The following PDLIM5 variants were observed in gnomAD, a reference collection of about 807,000 sequenced individuals.
PDLIM5 encodes the protein PDZ and LIM domain 5.
PDLIM5 carries 34 observed loss-of-function variants against 64.2 expected under a neutral mutation model. The observed-to-expected ratio is 0.53, with a 90% CI of 0.40 to 0.71. The LOEUF is 0.71. Among genes scored for constraint, PDLIM5 ranks in the 30% least tolerant of loss-of-function variants. PDLIM5 has a pLI of 0.00. For synonymous variants in PDLIM5, 253 were observed against 269.1 expected (o/e 0.94, Z 0.59); for missense variants, 683 against 733.6 (o/e 0.93, Z 0.80).
intron 2 of PDLIM5, among the ~76,000 whole-genome samples, chr4:94,501,066 G>A (rs544029186): frequency 6.8e-6 from 1 of 146,536 alleles, no homozygotes; most frequent in African/African-American, 2.6e-5. Flanking sequence ...ACAGGTGTGA[G>A]CCACTATACC....
intron 8 of PDLIM5, among the ~76,000 whole-genome samples, chr4:94,636,538 A>G: frequency 7.0e-6 from 1 of 142,406 alleles, no homozygotes; most frequent in African/African-American, 2.6e-5. Context: ...TAGAGTTCGT[A>G]CTTTTTTTTT....
chr4:94,579,441 A>T, intron 5 of PDLIM5: 1 of 632,674 alleles, frequency 1.6e-6, no homozygotes, highest in Non-Finnish European at 2.7e-6. Flanking sequence ...CTCCTGTGTG[A>T]TACTTTGAAG....
intron 9 of PDLIM5, among the ~76,000 whole-genome samples, chr4:94,642,439 G>T (rs1042873567): frequency 6.6e-6 from 1 of 152,110 alleles, no homozygotes; most frequent in Non-Finnish European, 1.5e-5. Context: ...TTAATGCCAG[G>T]CCAGTATGCA....
At chr4:94,490,359 GTTC>G (rs1291089937) in intron 2 of PDLIM5, among the ~76,000 whole-genome samples, 4 of 151,584 alleles carry the variant, frequency 2.6e-5, no homozygotes, top group African/African-American at 9.7e-5. Flanking sequence ...TTTCTATTCA[GTTC>G]TTCTCAAAAT....
intron 5 of PDLIM5, among the ~76,000 whole-genome samples, 155 bp downstream of exon 5, chr4:94,576,189 T>C (rs1181669375): frequency 1.3e-5 from 2 of 152,218 alleles, no homozygotes; most frequent in East Asian, 1.9e-4. Context: ...TTTATATACA[T>C]AGGGTACTTT....
At chr4:94,559,999 G>A (rs551377940) in intron 3 of PDLIM5, among the ~76,000 whole-genome samples, 2 of 152,210 alleles carry the variant, frequency 1.3e-5, no homozygotes, top group Admixed American at 6.5e-5. Context: ...TTCTTCTCTG[G>A]CCAGCCCGTG....
intron 3 of PDLIM5, among the ~76,000 whole-genome samples, chr4:94,532,104 T>G (rs1325456487): frequency 6.6e-6 from 1 of 152,218 alleles, no homozygotes; most frequent in Non-Finnish European, 1.5e-5. Context: ...TATGCTTCTA[T>G]GTATGCATTC....
chr4:94,645,701 A>G lies in PDLIM5; in HGVS notation c.1283+5251A>G, dbSNP rs557905281. ...GAACTATACCCCAAAATTAAGAGTTATAATGTCCAGATAATAGATTGGATG... is the reference window on the plus strand; with the variant it reads ...GAACTATACCCCAAAATTAAGAGTTGTAATGTCCAGATAATAGATTGGATG... On this transcript the variant is annotated intron_variant, in intron 9 of 12. Transcript: ENST00000317968. Among the ~76,000 whole-genome samples the G allele has an allele frequency of 8.5e-5, 13 of 152,350 alleles. No homozygotes were observed. In the South Asian group the frequency reaches 1.2e-3, roughly 15 times the overall value.
At chr4:94,619,518 T>C (rs1739055146) in intron 8 of PDLIM5, among the ~76,000 whole-genome samples, 1 of 152,008 alleles carries the variant, frequency 6.6e-6, no homozygotes, top group African/African-American at 2.4e-5. Flanking sequence ...CGGGCGCCTG[T>C]AGTCCCAGCT....
chr4:94,653,615 G>T (rs1742001860), intron 9 of PDLIM5, among the ~76,000 whole-genome samples: 1 of 151,978 alleles, frequency 6.6e-6, no homozygotes, highest in Admixed American at 6.6e-5. Flanking sequence ...ATGTTGGGGA[G>T]GGGGGAGAGG....
intron 2 of PDLIM5, among the ~76,000 whole-genome samples, chr4:94,462,518 T>C (rs1723991844): frequency 6.6e-6 from 1 of 152,210 alleles, no homozygotes. Flanking sequence ...TCTAGTCTTA[T>C]GCTTTTACTG....
chr4:94,639,657 A>G (rs1396153558), intron 8 of PDLIM5, among the ~76,000 whole-genome samples: 2 of 152,138 alleles, frequency 1.3e-5, no homozygotes, highest in Non-Finnish European at 2.9e-5. Flanking sequence ...TGGTTTTGTT[A>G]TCTTCAATAC....
At chr4:94,500,202 A>G (rs1727789064) in intron 2 of PDLIM5, among the ~76,000 whole-genome samples, 1 of 152,212 alleles carries the variant, frequency 6.6e-6, no homozygotes, top group Admixed American at 6.5e-5. Context: ...AAGTGGTATC[A>G]CTTTGACAGT....
At chr4:94,530,766 G>T (rs1221313345) in intron 3 of PDLIM5, among the ~76,000 whole-genome samples, 3 of 152,064 alleles carry the variant, frequency 2.0e-5, no homozygotes, top group Admixed American at 2.0e-4. Flanking sequence ...ATTGCCAGAG[G>T]TCCAAATACT....
At chr4:94,484,357 T>G (rs1414342566) in intron 2 of PDLIM5, among the ~76,000 whole-genome samples, 5 of 152,158 alleles carry the variant, frequency 3.3e-5, no homozygotes, top group African/African-American at 1.2e-4. Flanking sequence ...CTAAGAAGTT[T>G]TAAAAAATTT....
intron 9 of PDLIM5, among the ~76,000 whole-genome samples, chr4:94,648,266 GA>G (rs111344250): frequency 2.5e-4 from 36 of 145,218 alleles, no homozygotes; most frequent in African/African-American, 3.0e-4. Flanking sequence ...AAACTACCAA[GA>G]AAAAAAAAAA....
At chr4:94,652,864 C>G (rs1179532829) in intron 9 of PDLIM5, among the ~76,000 whole-genome samples, 1 of 152,094 alleles carries the variant, frequency 6.6e-6, no homozygotes, top group Non-Finnish European at 1.5e-5. Flanking sequence ...TTACACCCCA[C>G]GTAAAAATTT....
intron 7 of PDLIM5, among the ~76,000 whole-genome samples, chr4:94,598,248 A>G (rs1476707460): frequency 6.6e-6 from 1 of 152,176 alleles, no homozygotes; most frequent in East Asian, 1.9e-4. Flanking sequence ...GGGAATTTTA[A>G]AAGAAAATAA....
chr4:94,572,880 A>G lies in PDLIM5; in HGVS notation c.249-471A>G, dbSNP rs552935252. Among the ~76,000 whole-genome samples the G allele has an allele frequency of 5.9e-5, 9 of 152,378 alleles. No individual in the cohort carries two copies. In the South Asian group the frequency reaches 1.9e-3, roughly 32 times the overall value. On this transcript the variant is annotated intron_variant, in intron 3 of 12. Transcript: ENST00000317968. ...CATTGACCCAATTCAACTAGAATGT[A>G]TTCAGCATCTTCACAGAGACCCAAT...
Sources: allele counts gnomAD v4.1 joint callset (sites outside exome capture counted in the v4.1 genomes callset), GRCh38; gene constraint gnomAD v4.1.1; transcripts MANE v1.5; gene names NCBI Gene and HGNC (gene_info 2026-07-23, HGNC 2026-07-21).